DNER: variants seen among roughly 807,000 people sequenced by gnomAD.
DNER encodes the protein delta and Notch-like epidermal growth factor-related receptor.
Under a neutral mutation model 78.2 loss-of-function variants are expected in DNER, and 33 were observed. That is an observed-to-expected ratio of 0.42 (90% CI 0.32 to 0.56). The LOEUF is 0.56. Among genes scored for constraint, DNER ranks in the 20% least tolerant of loss-of-function variants. DNER has a pLI of 0.11. For synonymous variants in DNER, 417 were observed against 384.8 expected (o/e 1.08, Z -0.98); for missense variants, 918 against 975.3 (o/e 0.94, Z 0.78).
intron 8 of DNER, among the ~76,000 whole-genome samples, chr2:229,418,816 T>G (rs201778557): frequency 6.6e-6 from 1 of 151,612 alleles, no homozygotes; most frequent in Admixed American, 6.6e-5. Flanking sequence ...AGCTACTCAG[T>G]AGGCTGAGGC....
intron 6 of DNER, among the ~76,000 whole-genome samples, chr2:229,477,879 T>C (rs949348640): frequency 2.0e-5 from 3 of 152,224 alleles, no homozygotes; most frequent in Admixed American, 6.5e-5. Flanking sequence ...AAGGCTCTCA[T>C]GGTAATTTTG....
At chr2:229,629,842 A>G (rs1326823732) in intron 1 of DNER, among the ~76,000 whole-genome samples, 1 of 152,194 alleles carries the variant, frequency 6.6e-6, no homozygotes, top group African/African-American at 2.4e-5. Flanking sequence ...CTTTAAAACA[A>G]CATTTATTGT....
chr2:229,465,825 T>C (rs1694793104), intron 7 of DNER, among the ~76,000 whole-genome samples: 1 of 152,128 alleles, frequency 6.6e-6, no homozygotes, highest in Non-Finnish European at 1.5e-5. Flanking sequence ...GTCATCTGCA[T>C]TTTAGAGGGA....
At chr2:229,713,871 C>A (rs1328085358) in intron 1 of DNER, among the ~76,000 whole-genome samples, 1 of 152,076 alleles carries the variant, frequency 6.6e-6, no homozygotes, top group Non-Finnish European at 1.5e-5. Flanking sequence ...AGTGGCCAAC[C>A]GGAGCGTCTA....
chr2:229,671,725 G>T (rs866331070), intron 1 of DNER, among the ~76,000 whole-genome samples: 32 of 152,322 alleles, frequency 2.1e-4, no homozygotes, highest in Admixed American at 3.3e-4. Context: ...TGCAGGAAAG[G>T]GACGGGCTCT....
chr2:229,448,843 C>T (rs2106362847), intron 7 of DNER, among the ~76,000 whole-genome samples: 1 of 152,252 alleles, frequency 6.6e-6, no homozygotes, highest in East Asian at 1.9e-4. Context: ...TTCTAATAGT[C>T]TATTACACGT....
chr2:229,538,525 C>T (rs541027379), intron 5 of DNER, among the ~76,000 whole-genome samples: 1 of 151,882 alleles, frequency 6.6e-6, no homozygotes, highest in South Asian at 2.1e-4. Flanking sequence ...TCACCCTGCC[C>T]GGCTAATTTT....
chr2:229,438,278 G>A (rs1694164003), intron 8 of DNER, among the ~76,000 whole-genome samples: 1 of 152,184 alleles, frequency 6.6e-6, no homozygotes, highest in Non-Finnish European at 1.5e-5. Flanking sequence ...CACCTTTCAT[G>A]CCAAGCTTTG....
intron 5 of DNER, among the ~76,000 whole-genome samples, chr2:229,516,802 A>G (rs958176824): frequency 2.0e-5 from 3 of 149,292 alleles, no homozygotes; most frequent in Non-Finnish European, 3.0e-5. Context: ...AAAAAAAAAA[A>G]AAGAAAAGAA....
intron 5 of DNER, among the ~76,000 whole-genome samples, chr2:229,536,875 T>C (rs1168280724): frequency 6.6e-6 from 1 of 152,172 alleles, no homozygotes; most frequent in African/African-American, 2.4e-5. Flanking sequence ...GGGAATTCTC[T>C]TTCCCCAAAT....
chr2:229,395,312 AT>A (rs1693111520), intron 10 of DNER, among the ~76,000 whole-genome samples: 1 of 152,208 alleles, frequency 6.6e-6, no homozygotes, highest in East Asian at 1.9e-4. Flanking sequence ...TGTGGTTTGG[AT>A]ACCTAAAGGC....
chr2:229,710,259 T>C (rs998850297), intron 1 of DNER, among the ~76,000 whole-genome samples: 1 of 152,212 alleles, frequency 6.6e-6, no homozygotes, highest in African/African-American at 2.4e-5. Flanking sequence ...TATCCCCTTT[T>C]TAATGATAAA....
At chr2:229,577,389 G>T (rs1249376673) in intron 4 of DNER, among the ~76,000 whole-genome samples, 1 of 152,148 alleles carries the variant, frequency 6.6e-6, no homozygotes, top group African/African-American at 2.4e-5. Context: ...TGGATAGGCT[G>T]GGCGCAGTGG....
chr2:229,537,970 A>G (rs1193857963), intron 5 of DNER, among the ~76,000 whole-genome samples: 1 of 152,148 alleles, frequency 6.6e-6, no homozygotes, highest in Non-Finnish European at 1.5e-5. Context: ...GTAACGTAAA[A>G]TGCAGCAATG....
chr2:229,586,440 C>CCA (rs1399171741), intron 3 of DNER, among the ~76,000 whole-genome samples: 8 of 122,408 alleles, frequency 6.5e-5, no homozygotes, highest in South Asian at 3.1e-4. Flanking sequence ...ACCCACCCAC[C>CCA]CACACACACA....
chr2:229,547,083 T>A lies in DNER; in HGVS notation c.857A>T (p.Asn286Ile). The part of the protein sequence containing the change: ...LGNNHFIGFV[N>I]DSVTKSIVAL... ...CACAATAGACTTAGTCACAGAATCA[T>A]TCACAAAACCTAAAAGAAAATGAGG... Residue 286 changes from asparagine (N) to isoleucine (I), a missense_variant, in exon 5 of 13, where the codon AAT becomes ATT. By Grantham distance (149) the Asn-to-Ile change is moderately radical. Transcript: ENST00000341772. 1 of 1,614,006 alleles carries A rather than the reference T, an allele frequency of 6.2e-7. No individual in the cohort carries two copies. Among genetic ancestry groups the A allele is most frequent in the Non-Finnish European group, 8.5e-7 (1 of 1,179,964 alleles).
chr2:229,689,122 T>C (rs546069378), intron 1 of DNER, among the ~76,000 whole-genome samples: 1 of 152,304 alleles, frequency 6.6e-6, no homozygotes, highest in South Asian at 2.1e-4. Context: ...ACCTGCACAC[T>C]GCACATGTAC....
rs144861514 is a variant in DNER, at chr2:229,590,971, T to C, written c.585+609A>G. On this transcript the variant is annotated intron_variant, in intron 2 of 12. Transcript: ENST00000341772. ...TCTGGGACCTCTCCCTTCCCTCTCT[T>C]GCCCTCACTCTTGCCATGTGACACA... Among the ~76,000 whole-genome samples, 325 of 152,314 alleles carry C rather than the reference T, an allele frequency of 2.1e-3. 2 individuals carry two copies. The highest frequency in any genetic ancestry group is 7.7e-3 in the African/African-American group (318 of 41,560).
At chr2:229,641,893 C>T (rs534068150) in intron 1 of DNER, among the ~76,000 whole-genome samples, 1 of 152,082 alleles carries the variant, frequency 6.6e-6, no homozygotes, top group Admixed American at 6.5e-5. Context: ...TTATGGTATG[C>T]CCCGTGAAAT....
Sources: allele counts gnomAD v4.1 joint callset (sites outside exome capture counted in the v4.1 genomes callset), GRCh38; gene constraint gnomAD v4.1.1; transcripts MANE v1.5; gene names NCBI Gene and HGNC (gene_info 2026-07-23, HGNC 2026-07-21).